FHIT: variants seen among roughly 807,000 people sequenced by gnomAD.
FHIT encodes fragile histidine triad diadenosine triphosphatase, also known as bis(5'-adenosyl)-triphosphatase.
FHIT carries 19 observed loss-of-function variants against 17.9 expected under a neutral mutation model. That is an observed-to-expected ratio of 1.06 (90% CI 0.74 to 1.56). The LOEUF (loss-of-function observed/expected upper bound fraction) is 1.56, where lower values mean the gene tolerates loss of function less well. Among genes scored for constraint, FHIT ranks in the 40% most tolerant of loss-of-function variants. The pLI is 0.00. For missense variants in FHIT, 248 were observed against 189.2 expected (o/e 1.31, Z -1.82); for synonymous variants, 81 against 69.7 (o/e 1.16, Z -0.81).
intron 4 of FHIT, among the ~76,000 whole-genome samples, chr3:60,586,369 G>C (rs1346556834): frequency 2.0e-5 from 3 of 151,972 alleles, no homozygotes; most frequent in African/African-American, 7.2e-5. Context: ...TTTAAAGTTA[G>C]AGATAAAAAC....
At chr3:60,648,127 G>A (rs1263600297) in intron 4 of FHIT, among the ~76,000 whole-genome samples, 2 of 152,110 alleles carry the variant, frequency 1.3e-5, no homozygotes, top group Non-Finnish European at 2.9e-5. Context: ...CAATGGGGTG[G>A]GGAGTCAGGG....
intron 5 of FHIT, among the ~76,000 whole-genome samples, chr3:60,132,035 T>C (rs1405536691): frequency 6.6e-6 from 1 of 152,146 alleles, no homozygotes; most frequent in Non-Finnish European, 1.5e-5. Context: ...TTACATACCC[T>C]GGCTCCTTGA....
At chr3:60,222,856 G>T (rs531694550) in intron 5 of FHIT, among the ~76,000 whole-genome samples, 1 of 152,026 alleles carries the variant, frequency 6.6e-6, no homozygotes, top group African/African-American at 2.4e-5. Context: ...AGACAAGATC[G>T]TACCACTGCA....
At chr3:59,894,175 G>A (rs1331917202) in intron 8 of FHIT, among the ~76,000 whole-genome samples, 9 of 151,990 alleles carry the variant, frequency 5.9e-5, no homozygotes, top group Admixed American at 6.6e-5. Flanking sequence ...GCCCAGTAAC[G>A]TCAAGGCTGC....
intron 5 of FHIT, among the ~76,000 whole-genome samples, chr3:60,079,017 G>C (rs536307117): frequency 8.5e-5 from 13 of 152,166 alleles, no homozygotes; most frequent in African/African-American, 3.1e-4. Flanking sequence ...CAAGTGACTT[G>C]TCTTCATTGA....
chr3:60,106,537 G>C (rs1321225626), intron 5 of FHIT, among the ~76,000 whole-genome samples: 1 of 152,176 alleles, frequency 6.6e-6, no homozygotes, highest in African/African-American at 2.4e-5. Context: ...ATGGCAATTA[G>C]GTTCGGTACC....
chr3:60,814,142 A>G (rs782469308), intron 4 of FHIT, among the ~76,000 whole-genome samples: 1 of 152,146 alleles, frequency 6.6e-6, no homozygotes, highest in Non-Finnish European at 1.5e-5. Context: ...GCTTGCATTC[A>G]TAAAGCCCTT....
At chr3:60,970,928 T>A (rs1342637300) in intron 3 of FHIT, among the ~76,000 whole-genome samples, 1 of 152,162 alleles carries the variant, frequency 6.6e-6, no homozygotes, top group African/African-American at 2.4e-5. Context: ...TCTATCCCCA[T>A]CCATTTTCTC....
intron 2 of FHIT, among the ~76,000 whole-genome samples, chr3:61,150,161 A>G (rs1388976627): frequency 2.6e-5 from 4 of 152,152 alleles, no homozygotes; most frequent in African/African-American, 9.7e-5. Flanking sequence ...TGGAACCTTC[A>G]AACTGTCAGA....
chr3:60,127,009 G>C (rs1284593972), intron 5 of FHIT, among the ~76,000 whole-genome samples: 1 of 152,118 alleles, frequency 6.6e-6, no homozygotes, highest in Non-Finnish European at 1.5e-5. Context: ...GGCAAGCAAG[G>C]GAGAGAGCCC....
chr3:60,823,043 T>C (rs1701981762), intron 3 of FHIT, among the ~76,000 whole-genome samples: 2 of 152,190 alleles, frequency 1.3e-5, no homozygotes, highest in African/African-American at 4.8e-5. Context: ...GTCAGCTCAA[T>C]GTAGTAATTG....
chr3:59,890,860 C>T (rs1389568388), intron 8 of FHIT, among the ~76,000 whole-genome samples: 1 of 152,122 alleles, frequency 6.6e-6, no homozygotes, highest in African/African-American at 2.4e-5. Flanking sequence ...TTCAATGTTA[C>T]TTGCCATAGA....
chr3:60,465,466 G>T (rs533730487), intron 5 of FHIT, among the ~76,000 whole-genome samples: 7 of 152,166 alleles, frequency 4.6e-5, no homozygotes, highest in Admixed American at 4.6e-4. Flanking sequence ...TCTTTGCCAA[G>T]ACCAATGTCC....
chr3:60,003,044 T>C (rs1431589384), intron 7 of FHIT, among the ~76,000 whole-genome samples: 1 of 152,182 alleles, frequency 6.6e-6, no homozygotes, highest in Non-Finnish European at 1.5e-5. Flanking sequence ...TGAATTATAA[T>C]AGTCATTTCT....
chr3:60,471,502 A>C (rs2033087454), intron 5 of FHIT, among the ~76,000 whole-genome samples: 1 of 152,094 alleles, frequency 6.6e-6, no homozygotes, highest in South Asian at 2.1e-4. Flanking sequence ...ACTGAGTTAC[A>C]ATACAAAGTC....
intron 5 of FHIT, among the ~76,000 whole-genome samples, chr3:60,487,216 T>C (rs553248408): frequency 3.9e-5 from 6 of 152,250 alleles, no homozygotes; most frequent in Admixed American, 2.6e-4. Context: ...TACACTCCCA[T>C]TGCTGTCTCT....
intron 5 of FHIT, among the ~76,000 whole-genome samples, chr3:60,030,318 A>G (rs2106781721): frequency 6.6e-6 from 1 of 152,292 alleles, no homozygotes; most frequent in Non-Finnish European, 1.5e-5. Context: ...CTATAGCTGT[A>G]TGTTTTCCTT....
At chr3:60,493,478 T>C (rs2034153261) in intron 5 of FHIT, among the ~76,000 whole-genome samples, 2 of 152,158 alleles carry the variant, frequency 1.3e-5, no homozygotes, top group South Asian at 4.1e-4. Flanking sequence ...CAAATCAAAT[T>C]ATCAACAAGC....
chr3:60,526,230 CG>C (rs2035570961), intron 5 of FHIT, among the ~76,000 whole-genome samples: 1 of 152,044 alleles, frequency 6.6e-6, no homozygotes, highest in South Asian at 2.1e-4. Context: ...TCTGCAAATA[CG>C]GTAGTCTGCA....
Sources: allele counts gnomAD v4.1 joint callset (sites outside exome capture counted in the v4.1 genomes callset), GRCh38; gene constraint gnomAD v4.1.1; transcripts MANE v1.5; gene names NCBI Gene and HGNC (gene_info 2026-07-23, HGNC 2026-07-21).